Variants in FRY observed in about 807,000 individuals in gnomAD.
FRY encodes FRY microtubule binding protein.
A neutral mutation model predicts 348.4 loss-of-function variants in FRY; 128 were observed. That is an observed-to-expected ratio of 0.37 (90% CI 0.32 to 0.43). The LOEUF is 0.43. Ranked by LOEUF, FRY falls within the 20% of genes least tolerant of loss-of-function variation. FRY has a pLI of 1.00. For missense variants in FRY, 2,736 were observed against 3,695.2 expected (o/e 0.74, Z 6.73); for synonymous variants, 1,370 against 1,374.7 (o/e 1.00, Z 0.08).
chr13:32,184,341 C>G (rs1302467352), intron 24 of FRY, among the ~76,000 whole-genome samples: 1 of 152,162 alleles, frequency 6.6e-6, no homozygotes. Flanking sequence ...ACACTGGGAG[C>G]ATCTGGGAAA....
At chr13:32,130,073 T>C (rs998555935) in intron 7 of FRY, among the ~76,000 whole-genome samples, 11 of 144,582 alleles carry the variant, frequency 7.6e-5, no homozygotes, top group Non-Finnish European at 4.6e-5. Flanking sequence ...TTTTTTTTTT[T>C]CCGGTGAGAC....
At chr13:32,125,003 A>G (rs1040935372) in intron 7 of FRY, 128 bp downstream of exon 7, 35 of 754,502 alleles carry the variant, frequency 4.6e-5, no homozygotes, top group Non-Finnish European at 7.7e-5. Flanking sequence ...TGTGTGCCCC[A>G]TCTCTGAAAC....
intron 28 of FRY, among the ~76,000 whole-genome samples, chr13:32,192,268 T>TC (rs1243728698): frequency 2.4e-5 from 1 of 41,110 alleles, no homozygotes; most frequent in Non-Finnish European, 5.7e-5. Flanking sequence ...TTTTAATGAC[T>TC]TTTTTTGTTT....
intron 25 of FRY, 77 bp downstream of exon 25, chr13:32,184,768 G>C (rs1330571111): frequency 1.9e-6 from 2 of 1,051,034 alleles, no homozygotes; most frequent in African/African-American, 3.1e-5. Context: ...TCTCTCTTTT[G>C]TCTTTTCTTT....
rs142997332 is a variant in FRY, at chr13:32,258,199, C to A, written c.7417-3417C>A. On this transcript the variant is annotated intron_variant, in intron 51 of 60. Transcript: ENST00000542859. Reference sequence around the variant, plus strand: ...TTTTAAAACCTTTATATGCCTAGTTCTGAAAGTTGCATGATTATATCTCAG... The same window carrying A: ...TTTTAAAACCTTTATATGCCTAGTTATGAAAGTTGCATGATTATATCTCAG... 2.3e-3 allele frequency among the ~76,000 whole-genome samples: 354 copies of A among 152,242 alleles called. 2 individuals carry two copies. Among genetic ancestry groups the A allele is most frequent in the African/African-American group, 8.2e-3 (340 of 41,540 alleles).
At chr13:32,184,527 A>C in intron 24 of FRY, 73 bp from the exon 25 acceptor site, 1 of 893,180 alleles carries the variant, frequency 1.1e-6, no homozygotes, top group Non-Finnish European at 1.9e-6. Flanking sequence ...GCCTTTTGTT[A>C]ATACCATTTT....
intron 1 of FRY, among the ~76,000 whole-genome samples, chr13:32,062,746 T>C (rs992893171): frequency 6.6e-6 from 1 of 152,180 alleles, no homozygotes; most frequent in African/African-American, 2.4e-5. Flanking sequence ...ATTTCACTTA[T>C]TCACTTAACT....
chr13:32,216,983 C>T (rs1282626098), intron 35 of FRY, among the ~76,000 whole-genome samples: 1 of 152,178 alleles, frequency 6.6e-6, no homozygotes, highest in Non-Finnish European at 1.5e-5. Flanking sequence ...TCAGCAAATC[C>T]AAATCACTGA....
chr13:32,282,584 T>G (rs1471778902), intron 58 of FRY, among the ~76,000 whole-genome samples: 2 of 152,216 alleles, frequency 1.3e-5, no homozygotes, highest in Admixed American at 6.5e-5. Flanking sequence ...GTCCGGTCTT[T>G]GCCAGTAGAA....
chr13:32,251,080 C>T (rs1887055019), intron 49 of FRY, among the ~76,000 whole-genome samples: 1 of 152,154 alleles, frequency 6.6e-6, no homozygotes, highest in Non-Finnish European at 1.5e-5. Context: ...TGGCATTGGC[C>T]TCCTAGCAGT....
intron 2 of FRY, among the ~76,000 whole-genome samples, chr13:32,095,926 CCTTCCTCCCCTCTTTTCTTT>C (rs1184651319): frequency 6.6e-6 from 1 of 151,788 alleles, no homozygotes; most frequent in African/African-American, 2.4e-5. Context: ...ATCTCTCTAT[CCTTCCTCCCCTCTTTTCTTT>C]CTTCCTCCAT....
At chr13:32,185,972 G>A (rs1466904681) in intron 26 of FRY, among the ~76,000 whole-genome samples, 1 of 152,160 alleles carries the variant, frequency 6.6e-6, no homozygotes, top group Admixed American at 6.5e-5. Flanking sequence ...AGTGGGAAGT[G>A]TTGCAGTTTT....
At position 32,185,047 on chromosome 13, in the gene FRY, G is replaced by A. The variant is rs865997493; in HGVS notation, c.3218G>A (p.Arg1073His). 9 of 1,613,068 alleles carry A rather than the reference G, an allele frequency of 5.6e-6. No individual in the cohort carries two copies. Among genetic ancestry groups the A allele is most frequent in the Non-Finnish European group, 7.6e-6 (9 of 1,179,114 alleles). ...ALFLEYVDLT[R>H]MLLEAENDKE... ...TTCTTAGAATATGTGGACTTGACCC[G>A]CATGCTCCTAGAAGCTGAAAATGAC... is the stretch of plus-strand genomic sequence containing the variant. The change falls in exon 26 of 61, where the codon CGC becomes CAC. Residue 1073 changes from arginine (R) to histidine (H), a missense_variant. Transcript: ENST00000542859.
At chr13:32,189,539 A>G (rs1883210388) in intron 28 of FRY, among the ~76,000 whole-genome samples, 1 of 152,040 alleles carries the variant, frequency 6.6e-6, no homozygotes, top group South Asian at 2.1e-4. Flanking sequence ...TGAAAGAGAA[A>G]CAAATTAATG....
chr13:32,117,557 T>C (rs1878379048), intron 4 of FRY, 84 bp downstream of exon 4: 3 of 1,415,454 alleles, frequency 2.1e-6, no homozygotes, highest in East Asian at 4.6e-5. Context: ...TACAAGGCAA[T>C]TGGGTCTTCC....
At chr13:32,108,283 G>C (rs1324283812) in intron 3 of FRY, among the ~76,000 whole-genome samples, 2 of 152,162 alleles carry the variant, frequency 1.3e-5, no homozygotes, top group African/African-American at 4.8e-5. Context: ...TTCTAGATGA[G>C]AACAAGATTT....
At chr13:32,228,038 C>A (rs1039280938) in intron 39 of FRY, among the ~76,000 whole-genome samples, 2 of 152,328 alleles carry the variant, frequency 1.3e-5, no homozygotes, top group African/African-American at 4.8e-5. Context: ...GCGTGAGCCA[C>A]CGCGCCCAGC....
Position 32,179,766 on chromosome 13 carries a change from T to C in FRY, c.2963T>C (p.Leu988Ser), listed in dbSNP as rs776669033. Residue 988 changes from leucine to serine, a missense_variant, in exon 23 of 61, where the codon TTA becomes TCA. Coordinates refer to ENST00000542859, the MANE Select transcript of FRY (RefSeq NM_023037.3). ...ATTGAGATCACAGAGTCCTTAGTTT[T>C]AGGATTTGGAAGAACAAATTCCCTT... is the stretch of plus-strand genomic sequence containing the variant. Reference protein sequence around the residue: ...ESIEITESLVLGFGRTNSLVF... With the variant: ...ESIEITESLVSGFGRTNSLVF... 1 of 1,613,886 alleles carries C rather than the reference T, an allele frequency of 6.2e-7. No individual in the cohort carries two copies. Among genetic ancestry groups the C allele is most frequent in the South Asian group, 1.1e-5 (1 of 91,084 alleles).
At position 32,178,442 on chromosome 13, in the gene FRY, G is replaced by A. The variant is rs1239501018; in HGVS notation, c.2681+6G>A. On this transcript the variant is annotated splice_donor_region_variant and intron_variant, in intron 21 of 60. Coordinates refer to ENST00000542859, the MANE Select transcript of FRY (RefSeq NM_023037.3). ...ATGCCTCTGGTGGACCCAAAGTAAG[G>A]GATTCTTGTGTTTTCCTCTGCCCTC... 6.2e-7 allele frequency: 1 copy of A among 1,613,844 alleles called. No individual in the cohort carries two copies. The highest frequency in any genetic ancestry group is 8.5e-7 in the Non-Finnish European group (1 of 1,179,940).
Sources: allele counts gnomAD v4.1 joint callset (sites outside exome capture counted in the v4.1 genomes callset), GRCh38; gene constraint gnomAD v4.1.1; transcripts MANE v1.5; gene names NCBI Gene and HGNC (gene_info 2026-07-23, HGNC 2026-07-21).